BPI: variants seen among roughly 807,000 people sequenced by gnomAD.
BPI encodes the protein bactericidal permeability increasing protein, also known as bactericidal permeability-increasing protein.
BPI carries 48 observed loss-of-function variants against 57.6 expected under a neutral mutation model. The observed-to-expected ratio is 0.83, with a 90% confidence interval of 0.66 to 1.06. The LOEUF (loss-of-function observed/expected upper bound fraction) is 1.06. Ranked by LOEUF, BPI falls within the 50% of genes least tolerant of loss-of-function variation. BPI has a pLI of 0.00. For missense variants in BPI, 651 were observed against 609.7 expected (o/e 1.07, Z -0.71); for synonymous variants, 237 against 238.2 (o/e 0.99, Z 0.05).
intron 4 of BPI, 32 bp from the exon 5 acceptor site, chr20:38,311,842 C>T (rs1365119690): frequency 6.2e-7 from 1 of 1,606,786 alleles, no homozygotes; most frequent in South Asian, 1.1e-5. Context: ...AATCAAAAAG[C>T]CTCATCTATG....
intron 10 of BPI, among the ~76,000 whole-genome samples, 179 bp from the exon 11 acceptor site, chr20:38,327,409 T>TCC (rs1440687834): frequency 6.6e-6 from 1 of 152,092 alleles, no homozygotes; most frequent in Admixed American, 6.5e-5. Flanking sequence ...AATTGACAGT[T>TCC]TAGGACTCAA....
At position 38,331,044 on chromosome 20, in the gene BPI, A is replaced by G; in HGVS notation, c.1230-4A>G. 1.9e-6 allele frequency: 3 copies of G among 1,613,854 alleles called. No individual in the cohort carries two copies. Among genetic ancestry groups the G allele is most frequent in the Non-Finnish European group, 2.5e-6 (3 of 1,179,946 alleles). On this transcript the variant is annotated splice_region_variant and splice_polypyrimidine_tract_variant and intron_variant, in intron 11 of 14. Coordinates refer to ENST00000642449, the MANE Select transcript of BPI (RefSeq NM_001725.3). Reference sequence around the variant, plus strand: ...GTCTCAGTCCCCTCCTCCCCCTCTCACAGGCTGCTCCTGGAACTGAAGCAC... The same window carrying G: ...GTCTCAGTCCCCTCCTCCCCCTCTCGCAGGCTGCTCCTGGAACTGAAGCAC...
chr20:38,323,454 G>C (rs926425482), intron 7 of BPI, among the ~76,000 whole-genome samples: 1 of 152,186 alleles, frequency 6.6e-6, no homozygotes. Context: ...GTTTACCGAC[G>C]AAACAAACAG....
chr20:38,327,490 C>T (rs557135555), intron 10 of BPI, 98 bp from the exon 11 acceptor site: 1 of 1,344,742 alleles, frequency 7.4e-7, no homozygotes, highest in South Asian at 1.2e-5. Flanking sequence ...TGTATGCTGC[C>T]CTGCTGAGCC....
At position 38,337,227 on chromosome 20, in the gene BPI, G is replaced by T. The variant is rs1173177007; in HGVS notation, c.*43G>T. The stretch of plus-strand genomic sequence containing the variant: ...GGGGCTGTCAGCCACACCTGTTCCT[G>T]ATGGGCTGTGGGGCACCGGCTGCCT... On this transcript the variant is annotated 3_prime_UTR_variant, in exon 15 of 15. Coordinates refer to ENST00000642449, the MANE Select transcript of BPI (RefSeq NM_001725.3). 1.3e-6 allele frequency: 2 copies of T among 1,539,038 alleles called. No individual in the cohort carries two copies. Among genetic ancestry groups the T allele is most frequent in the South Asian group, 1.2e-5 (1 of 82,572 alleles).
chr20:38,335,093 GTCC>G (rs745409966), intron 13 of BPI, among the ~76,000 whole-genome samples: 6 of 152,110 alleles, frequency 3.9e-5, no homozygotes, highest in Non-Finnish European at 8.8e-5. Context: ...CCTGGGATCT[GTCC>G]TCCTACCTTG....
At chr20:38,323,756 T>C (rs2076697987) in intron 7 of BPI, 114 bp from the exon 8 acceptor site, 9 of 1,219,934 alleles carry the variant, frequency 7.4e-6, no homozygotes, top group Non-Finnish European at 1.0e-5. Flanking sequence ...TGGTCATTGC[T>C]TTTTCCTTTG....
intron 12 of BPI, among the ~76,000 whole-genome samples, chr20:38,332,224 G>A (rs1022515275): frequency 3.9e-5 from 6 of 152,154 alleles, no homozygotes; most frequent in African/African-American, 1.4e-4. Context: ...GTGAGAAGCC[G>A]GTGCGCTGTT....
At chr20:38,318,612 TA>T (rs763230239) in intron 6 of BPI, 136 bp downstream of exon 6, 26 of 925,360 alleles carry the variant, frequency 2.8e-5, no homozygotes, top group Admixed American at 3.9e-5. Context: ...AGTAGTACAT[TA>T]TTTTCAAGAG....
chr20:38,307,782 G>A (rs1211842787), intron 2 of BPI, 101 bp downstream of exon 2: 1 of 981,050 alleles, frequency 1.0e-6, no homozygotes, highest in East Asian at 2.7e-5. Flanking sequence ...AACTCACAGA[G>A]TTTCATATCC....
chr20:38,325,847 A>G (rs958126432), intron 9 of BPI, among the ~76,000 whole-genome samples: 2 of 152,120 alleles, frequency 1.3e-5, no homozygotes, highest in African/African-American at 2.4e-5. Context: ...AGAGACTAAG[A>G]GAAAGGGGAA....
chr20:38,304,924 T>A (rs2076590061), intron 1 of BPI, among the ~76,000 whole-genome samples: 2 of 152,030 alleles, frequency 1.3e-5, no homozygotes, highest in South Asian at 4.1e-4. Flanking sequence ...ACACACACAG[T>A]CTCTTTTACC....
intron 5 of BPI, among the ~76,000 whole-genome samples, chr20:38,315,012 G>C (rs1344899274): frequency 3.3e-5 from 5 of 152,006 alleles, no homozygotes; most frequent in African/African-American, 4.8e-5. Context: ...GATGGTGATG[G>C]TGATGGTGGG....
chr20:38,314,219 G>A (rs1383141322), intron 5 of BPI, among the ~76,000 whole-genome samples: 3 of 150,264 alleles, frequency 2.0e-5, no homozygotes, highest in Non-Finnish European at 4.4e-5. Flanking sequence ...TGATGATGGT[G>A]GTGATGGTAA....
chr20:38,306,586 G>C (rs1391742755), intron 1 of BPI, among the ~76,000 whole-genome samples: 1 of 152,182 alleles, frequency 6.6e-6, no homozygotes, highest in African/African-American at 2.4e-5. Context: ...GGTTCCCAGA[G>C]GAAGTGATGA....
chr20:38,309,909 GAACT>G (rs1211553218), intron 3 of BPI, among the ~76,000 whole-genome samples: 1 of 152,100 alleles, frequency 6.6e-6, no homozygotes, highest in African/African-American at 2.4e-5. Context: ...GCCCTTACAA[GAACT>G]GCTGGATGTG....
chr20:38,308,109 G>T (rs1489244599), intron 2 of BPI, among the ~76,000 whole-genome samples: 2 of 152,028 alleles, frequency 1.3e-5, no homozygotes, highest in Non-Finnish European at 2.9e-5. Flanking sequence ...GGCCTAATTC[G>T]CAGGCAGTGT....
Position 38,304,249 on chromosome 20 carries a change from C to T in BPI, c.26C>T (p.Pro9Leu), listed in dbSNP as rs376944802. The T allele has an allele frequency of 3.6e-5, 58 of 1,614,054 alleles. No homozygotes were observed. Among genetic ancestry groups the T allele is most frequent in the Non-Finnish European group, 4.4e-5 (52 of 1,180,032 alleles). Residue 9 changes from proline (P) to leucine (L), a missense_variant, in exon 1 of 15, where the codon CCG (proline) becomes CTG (leucine). Coordinates refer to ENST00000642449, the MANE Select transcript of BPI (RefSeq NM_001725.3). MARGPCNAPRWASLMVLVA... is the reference protein window; with the variant it reads MARGPCNALRWASLMVLVA... ...ATGGCCAGGGGCCCTTGCAACGCGC[C>T]GAGATGGGCGTCCCTGATGGTGCTG...
At chr20:38,309,222 C>T (rs187906913) in intron 3 of BPI, among the ~76,000 whole-genome samples, 164 bp downstream of exon 3, 1 of 152,332 alleles carries the variant, frequency 6.6e-6, no homozygotes, top group Non-Finnish European at 1.5e-5. Flanking sequence ...CAACATAACC[C>T]TTGATTAATA....
Sources: gnomAD v4.1 joint callset for allele counts (sites outside exome capture counted in the v4.1 genomes callset) on GRCh38, gnomAD v4.1.1 for gene constraint, MANE v1.5 for transcripts, NCBI Gene and HGNC (gene_info 2026-07-23, HGNC 2026-07-21) for gene names.